Variants in DTNA observed in about 807,000 individuals in gnomAD.
DTNA encodes dystrobrevin alpha.
A neutral mutation model predicts 100.7 loss-of-function variants in DTNA; 43 were observed. The observed-to-expected ratio is 0.43, with a 90% CI of 0.33 to 0.55. The LOEUF (loss-of-function observed/expected upper bound fraction) is 0.55, where lower values mean the gene tolerates loss of function less well. Ranked by LOEUF, DTNA falls within the 20% of genes least tolerant of loss-of-function variation. DTNA has a pLI of 0.04. For missense variants in DTNA, 798 were observed against 953.9 expected, an observed-to-expected ratio of 0.84 and a Z score of 2.15; for synonymous variants, 349 against 347.9, an observed-to-expected ratio of 1.00 and a Z score of -0.04.
rs555273655 is a variant in DTNA, at chr18:34,864,248, C to CTTTTTT, written c.1743+201_1743+206dup. Among the ~76,000 whole-genome samples, 6 of 127,422 alleles carry CTTTTTT rather than the reference C, an allele frequency of 4.7e-5. 1 individual carries two copies. Among genetic ancestry groups the CTTTTTT allele is most frequent in the Non-Finnish European group, 6.6e-5 (4 of 60,762 alleles). 83.6% of individuals were successfully genotyped at this position (127,422 alleles called of 152,430 possible). A position where few individuals can be genotyped will look rare whatever the true frequency, so the allele number is the denominator to read the frequency against. On this transcript the variant is annotated intron_variant, in intron 17 of 22. Transcript: ENST00000444659. Reference sequence around the variant, plus strand: ...GTAGCTGTCAGTAATAGAACACATTCTTTTTTTTTTTTTTTTTTTTGAGAC... The same window carrying CTTTTTT: ...GTAGCTGTCAGTAATAGAACACATTCTTTTTTTTTTTTTTTTTTTTTTTTTTGAGAC...
At chr18:34,601,728 G>A (rs976782979) in intron 1 of DTNA, among the ~76,000 whole-genome samples, 7 of 152,114 alleles carry the variant, frequency 4.6e-5, no homozygotes, top group Admixed American at 4.6e-4. Flanking sequence ...CTTTTCAGCT[G>A]TCTAAATCTT....
At position 34,838,222 on chromosome 18, in the gene DTNA, T is replaced by A. The variant is rs17557695; in HGVS notation, c.1253+51T>A. On this transcript the variant is annotated intron_variant, in intron 12 of 22. Coordinates refer to ENST00000444659, the MANE Select transcript of DTNA (RefSeq NM_001386795.1). Reference sequence around the variant, plus strand: ...AACCCTGCATTAACTAAACTAAAAATGGAGATTTCTTTTGTCAAAAATGCT... The same window carrying A: ...AACCCTGCATTAACTAAACTAAAAAAGGAGATTTCTTTTGTCAAAAATGCT... 400,753 of 1,590,148 alleles carry A rather than the reference T, an allele frequency of 0.25. 52,347 individuals carry two copies. The highest frequency in any genetic ancestry group is 0.28 in the South Asian group (25,092 of 89,588).
At chr18:34,813,731 T>C (rs1012866837) in intron 6 of DTNA, among the ~76,000 whole-genome samples, 9 of 150,340 alleles carry the variant, frequency 6.0e-5, no homozygotes, top group Non-Finnish European at 1.0e-4. Context: ...CAGGCACCTG[T>C]AGTCCCAGCT....
chr18:34,571,083 G>A (rs28650827), intron 1 of DTNA, among the ~76,000 whole-genome samples: 15,421 of 152,102 alleles, frequency 0.1, 1,144 homozygotes, highest in African/African-American at 0.2. Context: ...GTTCGGTTAA[G>A]TTCCTCACAT....
intron 1 of DTNA, among the ~76,000 whole-genome samples, chr18:34,673,314 G>A (rs930805741): frequency 4.6e-5 from 7 of 151,838 alleles, no homozygotes; most frequent in East Asian, 1.9e-4. Flanking sequence ...AGATACTTAC[G>A]TAAACTTAAT....
At chr18:34,818,603 C>T (rs1006537522) in intron 8 of DTNA, 2 of 1,280,762 alleles carry the variant, frequency 1.6e-6, no homozygotes, top group East Asian at 3.7e-5. Context: ...ATTTAAATAA[C>T]AACTGAATAG....
In DTNA at chr18:34,772,024, A is replaced by G. The variant is rs573118606; in HGVS notation, c.148+5983A>G. Among the ~76,000 whole-genome samples, 76 of 152,172 alleles carry G rather than the reference A, an allele frequency of 5.0e-4. 1 individual carries two copies. Among genetic ancestry groups the G allele is most frequent in the African/African-American group, 1.8e-3 (74 of 41,524 alleles). ...GCCCTAAAATCATGAACAACAAAGG[A>G]CAACAAGAGAAATAAATCAGAAATA... On this transcript the variant is annotated intron_variant, in intron 3 of 22. Transcript: ENST00000444659.
intron 1 of DTNA, among the ~76,000 whole-genome samples, chr18:34,605,116 C>CA (rs71266904): frequency 0.036 from 4,903 of 135,334 alleles, 202 homozygotes; most frequent in African/African-American, 0.11. Context: ...AGAAAACCAG[C>CA]AAAAAAAAAA....
At chr18:34,824,507 G>C (rs148720515) in intron 9 of DTNA, among the ~76,000 whole-genome samples, 1,541 of 151,874 alleles carry the variant, frequency 0.01, 30 homozygotes, top group African/African-American at 0.035. Context: ...TTACTACATG[G>C]CACATGTATA....
chr18:34,826,320 C>T (rs902955502), intron 9 of DTNA, among the ~76,000 whole-genome samples: 1 of 152,000 alleles, frequency 6.6e-6, no homozygotes, highest in Non-Finnish European at 1.5e-5. Flanking sequence ...GATTTTGGTG[C>T]ACCCATCACT....
chr18:34,718,694 A>G (rs1197181820), intron 1 of DTNA, among the ~76,000 whole-genome samples: 1 of 152,250 alleles, frequency 6.6e-6, no homozygotes, highest in Non-Finnish European at 1.5e-5. Context: ...GGTCTTGGTC[A>G]TAAAGAAATG....
intron 1 of DTNA, among the ~76,000 whole-genome samples, chr18:34,644,699 T>G (rs891153652): frequency 6.6e-6 from 1 of 152,082 alleles, no homozygotes; most frequent in Non-Finnish European, 1.5e-5. Context: ...GAAGAACATA[T>G]TTTTTAGTTC....
At chr18:34,766,173 G>A in intron 3 of DTNA, 132 bp downstream of exon 3, 1 of 1,099,678 alleles carries the variant, frequency 9.1e-7, no homozygotes, top group Non-Finnish European at 1.3e-6. Flanking sequence ...AACAATAAAA[G>A]GGGTATTATG....
At chr18:34,777,394 G>T (rs939803118) in intron 3 of DTNA, among the ~76,000 whole-genome samples, 1 of 152,140 alleles carries the variant, frequency 6.6e-6, no homozygotes, top group Non-Finnish European at 1.5e-5. Flanking sequence ...TACCACTGGA[G>T]GTCTACCTAG....
At chr18:34,585,169 G>A (rs937495852) in intron 1 of DTNA, among the ~76,000 whole-genome samples, 2 of 151,896 alleles carry the variant, frequency 1.3e-5, no homozygotes, top group African/African-American at 4.8e-5. Flanking sequence ...TTCAGGGAAC[G>A]GGACCCAAAC....
chr18:34,730,120 C>A (rs2087739408), intron 1 of DTNA, among the ~76,000 whole-genome samples: 2 of 152,150 alleles, frequency 1.3e-5, no homozygotes, highest in South Asian at 4.1e-4. Flanking sequence ...ACGAGTTGCT[C>A]TTGAAGCCTG....
At chr18:34,866,518 C>A (rs749192930) in intron 17 of DTNA, 668 of 1,138,780 alleles carry the variant, frequency 5.9e-4, no homozygotes, top group Non-Finnish European at 6.5e-4. Flanking sequence ...TCATGTCATC[C>A]CAAAACCCAC....
intron 1 of DTNA, among the ~76,000 whole-genome samples, chr18:34,527,631 A>G (rs1028257087): frequency 6.6e-6 from 1 of 152,110 alleles, no homozygotes; most frequent in African/African-American, 2.4e-5. Flanking sequence ...TGTTACTTGT[A>G]TATTTGATCT....
At chr18:34,679,262 A>C (rs1446495663) in intron 1 of DTNA, among the ~76,000 whole-genome samples, 1 of 152,164 alleles carries the variant, frequency 6.6e-6, no homozygotes, top group Non-Finnish European at 1.5e-5. Context: ...CTGTGAAATG[A>C]CTTCTACCAT....
Sources: gnomAD v4.1 joint callset for allele counts (sites outside exome capture counted in the v4.1 genomes callset) on GRCh38, gnomAD v4.1.1 for gene constraint, MANE v1.5 for transcripts, NCBI Gene and HGNC (gene_info 2026-07-23, HGNC 2026-07-21) for gene names.